Variants in ZNF705A observed in about 807,000 individuals in gnomAD.
The protein encoded by ZNF705A is zinc finger protein 705A.
ZNF705A carries 8 observed loss-of-function variants against 16.6 expected under a neutral mutation model. The observed-to-expected ratio is 0.48, with a 90% CI of 0.28 to 0.87. The LOEUF (loss-of-function observed/expected upper bound fraction) is 0.87. ZNF705A is among the 40% of genes least tolerant of loss of function. The probability of loss-of-function intolerance (pLI) is 0.10; values close to 1 mark genes in which losing one functional copy is unlikely to be tolerated. For missense variants in ZNF705A, 233 were observed against 359.9 expected (o/e 0.65, Z 2.85); for synonymous variants, 73 against 117.3 (o/e 0.62, Z 2.44).
At chr12:8,172,898 A>G (rs1409903089) in intron 1 of ZNF705A, among the ~76,000 whole-genome samples, 1 of 152,196 alleles carries the variant, frequency 6.6e-6, no homozygotes, top group African/African-American at 2.4e-5. Flanking sequence ...TTCTAATATT[A>G]CACTATTTTA....
intron 1 of ZNF705A, among the ~76,000 whole-genome samples, chr12:8,166,774 T>C (rs1948402611): frequency 6.6e-6 from 1 of 152,232 alleles, no homozygotes; most frequent in African/African-American, 2.4e-5. Context: ...TGGCTGGAGC[T>C]GGAGTGGCTG....
chr12:8,157,160 T>C, intron 1 of ZNF705A, 68 bp downstream of exon 1: 1 of 396,570 alleles, frequency 2.5e-6, no homozygotes, highest in Non-Finnish European at 4.5e-6. Flanking sequence ...GCTTGTTCTC[T>C]GTTATGAATT....
At chr12:8,157,973 G>A (rs993423171) in intron 1 of ZNF705A, among the ~76,000 whole-genome samples, 5 of 152,068 alleles carry the variant, frequency 3.3e-5, no homozygotes, top group Non-Finnish European at 7.4e-5. Flanking sequence ...TGTTTGTCAG[G>A]AATTCTCATT....
At chr12:8,166,822 C>T (rs1281379223) in intron 1 of ZNF705A, among the ~76,000 whole-genome samples, 3 of 152,252 alleles carry the variant, frequency 2.0e-5, no homozygotes, top group African/African-American at 4.8e-5. Flanking sequence ...TGCGCTTGCA[C>T]TGGGCCCAGC....
upstream of ZNF705A, among the ~76,000 whole-genome samples, chr12:8,170,196 C>CAAAAAAAAAAAAAAAAA (rs1188328005): frequency 9.8e-4 from 124 of 126,516 alleles, 9 homozygotes; most frequent in African/African-American, 4.3e-3. Flanking sequence ...CCCCCCCCCC[C>CAAAAAAAAAAAAAAAAA]AAAAAAAAAA....
rs1948381244 is a variant in ZNF705A, at chr12:8,164,327, T to C, written c.-72+7235T>C. ...TTTTAGATTTCAAATACAAGTGAAA[T>C]CATATAGTAATTGTCATTCTGTGGT... is the stretch of plus-strand genomic sequence containing the variant. On this transcript the variant is annotated intron_variant, in intron 1 of 5. Coordinates refer to the ZNF705A transcript ENST00000396570. 3.9e-5 allele frequency among the ~76,000 whole-genome samples: 6 copies of C among 152,222 alleles called. No individual in the cohort carries two copies. The South Asian group carries it at 1.2e-3, about 31-fold the overall frequency.
chr12:8,162,180 A>G (rs1170704540), intron 1 of ZNF705A, among the ~76,000 whole-genome samples: 2 of 152,086 alleles, frequency 1.3e-5, no homozygotes, highest in African/African-American at 4.8e-5. Flanking sequence ...ACCAGAAGAC[A>G]CCTTTTTGTA....
chr12:8,157,823 G>C (rs1203465878), intron 1 of ZNF705A, among the ~76,000 whole-genome samples: 1 of 152,112 alleles, frequency 6.6e-6, no homozygotes, highest in Non-Finnish European at 1.5e-5. Context: ...ATTATAATTA[G>C]AGTTTTCTTG....
chr12:8,177,107 C>A (rs755206074), exon 5 of ZNF705A: 3 of 1,611,840 alleles, frequency 1.9e-6, no homozygotes, highest in Non-Finnish European at 1.7e-6. Flanking sequence ...TGGAAAGAAA[C>A]CCTATGTCAG....
chr12:8,179,997 G>T (rs914063133), exon 5 of ZNF705A: 10 of 152,176 alleles, frequency 6.6e-5, no homozygotes, highest in African/African-American at 2.4e-4. Context: ...ACTGATTTTT[G>T]AATTTGCTTC....
At chr12:8,157,662 T>A (rs1364643328) in intron 1 of ZNF705A, among the ~76,000 whole-genome samples, 2 of 152,192 alleles carry the variant, frequency 1.3e-5, no homozygotes, top group Non-Finnish European at 2.9e-5. Context: ...ATGGTTTCTA[T>A]CATGCTCATT....
chr12:8,167,240 A>G (rs1388219763), intron 1 of ZNF705A, among the ~76,000 whole-genome samples: 1 of 152,166 alleles, frequency 6.6e-6, no homozygotes, highest in Non-Finnish European at 1.5e-5. Flanking sequence ...AGTACATATA[A>G]TACACTCAAA....
At chr12:8,165,697 C>T (rs1948394445) in intron 1 of ZNF705A, among the ~76,000 whole-genome samples, 1 of 152,022 alleles carries the variant, frequency 6.6e-6, no homozygotes. Context: ...CTCTAGTAGT[C>T]CCCAGTATCT....
At chr12:8,175,761 A>T (rs1948479626) in intron 3 of ZNF705A, 99 bp from the exon 5 acceptor site, 3 of 1,548,028 alleles carry the variant, frequency 1.9e-6, no homozygotes, top group Non-Finnish European at 2.7e-6. Flanking sequence ...GCCACATCTA[A>T]GTGTCAACTT....
chr12:8,174,101 C>T (rs1948465905), intron 1 of ZNF705A, among the ~76,000 whole-genome samples: 2 of 152,142 alleles, frequency 1.3e-5, no homozygotes, highest in South Asian at 4.2e-4. Context: ...TGCCACACCT[C>T]ACGCGATATT....
At position 8,175,722 on chromosome 12, in the gene ZNF705A, T is replaced by C. The variant is rs190100203; in HGVS notation, c.236-138T>C. The C allele has an allele frequency of 5.0e-4, 611 of 1,225,682 alleles. 2 individuals carry two copies. The African/African-American group carries it at 8.1e-3, about 16-fold the overall frequency. 75.9% of individuals were successfully genotyped at this position (1,225,682 alleles called of 1,614,324 possible). On this transcript the variant is annotated intron_variant, in intron 3 of 4. Coordinates refer to ENST00000359286, the Ensembl canonical transcript of ZNF705A. ...GACACTGTACAATCTATTTCTTCTA[T>C]TCAAGTAGTTTCTTCATTTGACACA...
chr12:8,176,250 G>T (rs1948483468), intron 4 of ZNF705A, among the ~76,000 whole-genome samples: 1 of 152,184 alleles, frequency 6.6e-6, no homozygotes, highest in African/African-American at 2.4e-5. Context: ...ATCTGTGTCT[G>T]CAGGAGATAA....
At chr12:8,170,148 C>T (rs1948432871), upstream of ZNF705A, among the ~76,000 whole-genome samples, 1 of 149,618 alleles carries the variant, frequency 6.7e-6, no homozygotes, top group South Asian at 2.1e-4. Flanking sequence ...GAGATCGCGC[C>T]ACTGCACTCC....
chr12:8,160,221 C>A (rs1243725633), intron 1 of ZNF705A, among the ~76,000 whole-genome samples: 2 of 152,108 alleles, frequency 1.3e-5, no homozygotes, highest in Admixed American at 6.6e-5. Flanking sequence ...GTTTTGGTGA[C>A]TATGACCTTA....
Sources: allele counts gnomAD v4.1 joint callset (sites outside exome capture counted in the v4.1 genomes callset), GRCh38; gene constraint gnomAD v4.1.1; transcripts MANE v1.5; gene names NCBI Gene and HGNC (gene_info 2026-07-23, HGNC 2026-07-21).